BMPR1B: variants seen among roughly 807,000 people sequenced by gnomAD.
BMPR1B encodes the protein bone morphogenetic protein receptor type-1B.
In BMPR1B, 12 loss-of-function variants were observed where a neutral mutation model predicts 59.1. That is an observed-to-expected ratio of 0.20 (90% CI 0.13 to 0.33). The LOEUF is 0.33. Among genes scored for constraint, BMPR1B ranks in the 10% least tolerant of loss-of-function variants. The probability of loss-of-function intolerance (pLI) is 1.00; values close to 1 mark genes in which losing one functional copy is unlikely to be tolerated. For missense variants in BMPR1B, 550 were observed against 610.9 expected, an observed-to-expected ratio of 0.90 and a Z score of 1.05; for synonymous variants, 237 against 207.3, an observed-to-expected ratio of 1.14 and a Z score of -1.23.
At chr4:94,976,472 C>T (rs1482867117) in intron 2 of BMPR1B, among the ~76,000 whole-genome samples, 3 of 152,144 alleles carry the variant, frequency 2.0e-5, no homozygotes, top group Admixed American at 2.0e-4. Flanking sequence ...ATCCTCTAAC[C>T]ACAACCACTT....
chr4:94,936,361 G>T (rs1185439629), intron 2 of BMPR1B, among the ~76,000 whole-genome samples: 1 of 152,180 alleles, frequency 6.6e-6, no homozygotes, highest in African/African-American at 2.4e-5. Flanking sequence ...AAGTCAAATG[G>T]TGTAGTGGCC....
At chr4:94,831,713 G>A (rs909588616) in intron 1 of BMPR1B, among the ~76,000 whole-genome samples, 60 of 152,198 alleles carry the variant, frequency 3.9e-4, no homozygotes, top group African/African-American at 1.4e-3. Flanking sequence ...TCTGGGGCCT[G>A]TAAGGAACGG....
intron 2 of BMPR1B, among the ~76,000 whole-genome samples, chr4:94,897,303 A>G (rs1256958051): frequency 6.6e-6 from 1 of 152,070 alleles, no homozygotes; most frequent in Non-Finnish European, 1.5e-5. Flanking sequence ...CAATGTAAAT[A>G]AGCGATAGTG....
chr4:95,115,357 G>A (rs768952658), intron 5 of BMPR1B, among the ~76,000 whole-genome samples: 9 of 152,104 alleles, frequency 5.9e-5, no homozygotes, highest in East Asian at 1.9e-4. Context: ...TGCTGTTAAC[G>A]TCTTGTTTAG....
chr4:95,061,839 G>C lies in BMPR1B; in HGVS notation c.-17-42569G>C, dbSNP rs181087655. 2.2e-3 allele frequency among the ~76,000 whole-genome samples: 333 copies of C among 152,260 alleles called. 2 individuals carry two copies. Among genetic ancestry groups the C allele is most frequent in the Non-Finnish European group, 1.5e-3 (99 of 68,012 alleles). ...CCCCACCTAAATCTCATGATGAATT[G>C]TAATTCCCAATGTTGGGGGAGGGAC... On this transcript the variant is annotated intron_variant, in intron 3 of 12. Coordinates refer to ENST00000515059, the MANE Select transcript of BMPR1B (RefSeq NM_001203.3).
rs1341970822 is a variant in BMPR1B at position 94,769,583 on chromosome 4, C to T, written c.-183+11515C>T. 2.0e-5 allele frequency among the ~76,000 whole-genome samples: 3 copies of T among 148,998 alleles called. No individual in the cohort carries two copies. In the Admixed American group the frequency reaches 2.0e-4, roughly 10 times the overall value. On this transcript the variant is annotated intron_variant, in intron 1 of 12. Coordinates refer to ENST00000515059, the MANE Select transcript of BMPR1B (RefSeq NM_001203.3). Reference sequence around the variant, plus strand: ...CAAGATTGTGCCATTGCACTCCAGCCTGGGCAACAAGAGTGAAACACCTTC... The same window carrying T: ...CAAGATTGTGCCATTGCACTCCAGCTTGGGCAACAAGAGTGAAACACCTTC...
At chr4:94,841,415 C>T (rs796641403) in intron 1 of BMPR1B, among the ~76,000 whole-genome samples, 16,470 of 148,130 alleles carry the variant, frequency 0.11, 1,017 homozygotes, top group Non-Finnish European at 0.13. Flanking sequence ...ATCAGGGAGA[C>T]TCCATGGGCG....
At chr4:94,817,813 C>T (rs1003106313) in intron 1 of BMPR1B, among the ~76,000 whole-genome samples, 1 of 152,152 alleles carries the variant, frequency 6.6e-6, no homozygotes, top group African/African-American at 2.4e-5. Flanking sequence ...TTTCTGATGG[C>T]ACCACACTTT....
At chr4:94,962,144 CTTT>C (rs202147892) in intron 2 of BMPR1B, among the ~76,000 whole-genome samples, 3 of 83,672 alleles carry the variant, frequency 3.6e-5, no homozygotes, top group Admixed American at 1.2e-4. Flanking sequence ...TCCTTCCTTT[CTTT>C]TTTCTTTTTT....
At chr4:95,014,406 A>G (rs1393558865) in intron 3 of BMPR1B, among the ~76,000 whole-genome samples, 1 of 152,204 alleles carries the variant, frequency 6.6e-6, no homozygotes, top group Non-Finnish European at 1.5e-5. Context: ...TTTAACTACC[A>G]TTATTTAGAA....
chr4:95,130,440 T>C (rs1451177590), intron 9 of BMPR1B, among the ~76,000 whole-genome samples: 1 of 152,164 alleles, frequency 6.6e-6, no homozygotes, highest in African/African-American at 2.4e-5. Flanking sequence ...TATTGAGAAT[T>C]GATTTTGTTT....
intron 3 of BMPR1B, among the ~76,000 whole-genome samples, chr4:95,076,045 A>G (rs1728683001): frequency 6.6e-6 from 1 of 152,150 alleles, no homozygotes; most frequent in Non-Finnish European, 1.5e-5. Context: ...AAATGTACAG[A>G]AGACATTCAA....
At chr4:95,054,763 A>G (rs1028641264) in intron 3 of BMPR1B, among the ~76,000 whole-genome samples, 5 of 152,150 alleles carry the variant, frequency 3.3e-5, no homozygotes, top group Non-Finnish European at 7.4e-5. Flanking sequence ...AGAATTTAGT[A>G]AAGTTATAAA....
chr4:94,894,465 C>T (rs3755872), intron 2 of BMPR1B, among the ~76,000 whole-genome samples: 5 of 144,036 alleles, frequency 3.5e-5, no homozygotes, highest in South Asian at 2.2e-4. Flanking sequence ...AGAGAGAAAG[C>T]GAGAAATCCC....
intron 3 of BMPR1B, among the ~76,000 whole-genome samples, chr4:95,031,902 G>A (rs1486292250): frequency 6.6e-6 from 1 of 152,048 alleles, no homozygotes; most frequent in African/African-American, 2.4e-5. Context: ...CTCCAGTCTG[G>A]GTGGCAGAGC....
chr4:94,760,583 A>G (rs936190048), intron 1 of BMPR1B, among the ~76,000 whole-genome samples: 2 of 152,200 alleles, frequency 1.3e-5, no homozygotes, highest in African/African-American at 4.8e-5. Context: ...ACTCCAACCT[A>G]GCAGAGCCTT....
chr4:94,983,902 G>A (rs764706562), intron 2 of BMPR1B, among the ~76,000 whole-genome samples: 13 of 152,216 alleles, frequency 8.5e-5, no homozygotes, highest in Non-Finnish European at 1.6e-4. Flanking sequence ...TGTGTCTAGA[G>A]TGCCAGGCCC....
chr4:95,135,954 A>T (rs1453297674), intron 10 of BMPR1B, among the ~76,000 whole-genome samples: 4 of 152,104 alleles, frequency 2.6e-5, no homozygotes, highest in African/African-American at 9.7e-5. Flanking sequence ...TTTCAAAGGG[A>T]GTGCTTCCAG....
chr4:95,136,363 A>G (rs1249288234), intron 10 of BMPR1B, among the ~76,000 whole-genome samples: 1 of 152,136 alleles, frequency 6.6e-6, no homozygotes, highest in African/African-American at 2.4e-5. Flanking sequence ...TATTGGGTCT[A>G]AAATTCTCTT....
Sources: gnomAD v4.1 joint callset for allele counts (sites outside exome capture counted in the v4.1 genomes callset) on GRCh38, gnomAD v4.1.1 for gene constraint, MANE v1.5 for transcripts, NCBI Gene and HGNC (gene_info 2026-07-23, HGNC 2026-07-21) for gene names.